SECISBP2: variants seen among roughly 807,000 people sequenced by gnomAD.
SECISBP2 encodes SECIS binding protein 2.
A neutral mutation model predicts 98.2 loss-of-function variants in SECISBP2; 96 were observed. The observed-to-expected ratio is 0.98, with a 90% CI of 0.83 to 1.16. The LOEUF (loss-of-function observed/expected upper bound fraction) is 1.16, where lower values mean the gene tolerates loss of function less well. Ranked by LOEUF, SECISBP2 falls within the 50% of genes most tolerant of loss-of-function variation. The pLI is 0.00. For synonymous variants in SECISBP2, 407 were observed against 370.2 expected (o/e 1.10, Z -1.14); for missense variants, 1,046 against 1,022.9 (o/e 1.02, Z -0.31).
At chr9:89,327,347 A>G (rs1418964810) in intron 4 of SECISBP2, among the ~76,000 whole-genome samples, 1 of 152,194 alleles carries the variant, frequency 6.6e-6, no homozygotes, top group Admixed American at 6.5e-5. Context: ...GCTACATGAA[A>G]TTTATAAAAG....
At chr9:89,341,057 G>T (rs1829580339) in intron 9 of SECISBP2, among the ~76,000 whole-genome samples, 1 of 152,016 alleles carries the variant, frequency 6.6e-6, no homozygotes, top group South Asian at 2.1e-4. Flanking sequence ...ACAAGTGCTA[G>T]TGTCTTGCCT....
chr9:89,360,986 T>G (rs555954191), downstream of SECISBP2: 2 of 152,176 alleles, frequency 1.3e-5, no homozygotes, highest in Non-Finnish European at 2.9e-5. Context: ...AATATAAGCC[T>G]AAAGCCCATA....
At position 89,358,889 on chromosome 9, in the gene SECISBP2, TTTTC is replaced by T. The variant is rs1178555130; in HGVS notation, c.*68_*71del. 3.2e-6 allele frequency: 3 copies of T among 923,422 alleles called. No individual in the cohort carries two copies. Among genetic ancestry groups the T allele is most frequent in the Non-Finnish European group, 5.3e-6 (3 of 571,288 alleles). 57.2% of individuals were successfully genotyped at this position (923,422 alleles called of 1,614,324 possible). The stretch of plus-strand genomic sequence containing the variant: ...GAGGTCTGAAAAAGACTTTGGGGCT[TTTTC>T]TTCTGTTTTTCATGACAATGTAATT... On this transcript the variant is annotated 3_prime_UTR_variant, in exon 17 of 17. Transcript: ENST00000375807.
chr9:89,348,334 T>A, intron 12 of SECISBP2, 120 bp downstream of exon 12: 1 of 1,158,486 alleles, frequency 8.6e-7, no homozygotes, highest in Non-Finnish European at 1.3e-6. Context: ...GTGGTGAAAG[T>A]GGGTCAGCAT....
chr9:89,350,024 C>T (rs958074238), intron 13 of SECISBP2, 95 bp downstream of exon 13: 21 of 1,436,066 alleles, frequency 1.5e-5, no homozygotes, highest in Non-Finnish European at 1.8e-5. Flanking sequence ...TGTTGCTGGG[C>T]CACACTGTGC....
At chr9:89,363,974 C>A, downstream of SECISBP2, 1 of 1,613,956 alleles carries the variant, frequency 6.2e-7, no homozygotes, top group East Asian at 2.2e-5. Context: ...CCGTTTCCAC[C>A]TCTGAGTCCA....
chr9:89,335,486 C>G (rs1479044403), intron 7 of SECISBP2, among the ~76,000 whole-genome samples: 2 of 152,028 alleles, frequency 1.3e-5, no homozygotes, highest in East Asian at 3.9e-4. Flanking sequence ...GTGCCTGCCA[C>G]CATGCCTGGC....
At position 89,338,479 on chromosome 9, in the gene SECISBP2, GACC is replaced by G; in HGVS notation, c.1112_1114del (p.Asp371_Leu372delinsVal). On this transcript the variant is annotated inframe_deletion, in exon 8 of 17. Coordinates refer to ENST00000375807, the MANE Select transcript of SECISBP2 (RefSeq NM_024077.5). Reference sequence around the variant, plus strand: ...CTAGTCTAAAGCATCACAAGGTAGTGACCTTGAACAAAATGAAGCCTCAAGAAA... The same window carrying G: ...CTAGTCTAAAGCATCACAAGGTAGTGTTGAACAAAATGAAGCCTCAAGAAA... 6.2e-7 allele frequency: 1 copy of G among 1,613,380 alleles called. No homozygotes were observed. The highest frequency in any genetic ancestry group is 1.3e-5 in the African/African-American group (1 of 74,970).
chr9:89,358,312 T>G, intron 16 of SECISBP2, 121 bp downstream of exon 16: 1 of 1,018,390 alleles, frequency 9.8e-7, no homozygotes, highest in Non-Finnish European at 1.5e-6. Flanking sequence ...CAGGGCCTGG[T>G]AAGTCCAGCC....
At chr9:89,321,059 C>T (rs930633833) in intron 2 of SECISBP2, among the ~76,000 whole-genome samples, 3 of 152,206 alleles carry the variant, frequency 2.0e-5, no homozygotes, top group Non-Finnish European at 2.9e-5. Context: ...ATTTTTTTGA[C>T]GAAAGTTGAA....
At chr9:89,357,205 C>T in intron 14 of SECISBP2, 1 of 624,580 alleles carries the variant, frequency 1.6e-6, no homozygotes. Context: ...AAGACAATAC[C>T]AGCTGTGTGT....
At position 89,328,795 on chromosome 9, in the gene SECISBP2, A is replaced by G. The variant is rs1469790220; in HGVS notation, c.710A>G (p.Gln237Arg). The G allele has an allele frequency of 6.2e-7, 1 of 1,614,258 alleles. No individual in the cohort carries two copies. The highest frequency in any genetic ancestry group is 1.7e-5 in the Admixed American group (1 of 60,032). Residue 237 changes from glutamine (Q) to arginine (R), a missense_variant, in exon 5 of 17, where the codon CAG (glutamine) becomes CGG (arginine). Transcript: ENST00000375807. Reference protein sequence around the residue: ...QGAENNMSEIQKQPKWGPVHS... With the variant: ...QGAENNMSEIRKQPKWGPVHS... ...GCAGAGAACAATATGTCAGAGATACAGAAGCAACCCAAGTGGGGACCTGTC... is the reference window on the plus strand; with the variant it reads ...GCAGAGAACAATATGTCAGAGATACGGAAGCAACCCAAGTGGGGACCTGTC...
chr9:89,348,945 T>G (rs1282881031), intron 12 of SECISBP2, among the ~76,000 whole-genome samples: 1 of 152,244 alleles, frequency 6.6e-6, no homozygotes, highest in African/African-American at 2.4e-5. Flanking sequence ...TTTGGGTAAT[T>G]AGAAACAGGG....
At chr9:89,341,039 G>T (rs1050282243) in intron 9 of SECISBP2, among the ~76,000 whole-genome samples, 9 of 152,028 alleles carry the variant, frequency 5.9e-5, no homozygotes, top group Admixed American at 2.0e-4. Context: ...TGTAGCCAAA[G>T]ACTTTATACA....
intron 9 of SECISBP2, 86 bp downstream of exon 9, chr9:89,340,039 A>G (rs921617623): frequency 1.3e-5 from 12 of 928,874 alleles, no homozygotes; most frequent in Non-Finnish European, 1.9e-5. Flanking sequence ...CTTTCCAGAC[A>G]TTTCTGTATG....
downstream of SECISBP2, chr9:89,363,425 C>G: frequency 6.2e-7 from 1 of 1,612,230 alleles, no homozygotes; most frequent in Non-Finnish European, 8.5e-7. Context: ...GCTGCGGCCA[C>G]TTACCCACGC....
In SECISBP2 at chr9:89,332,866, AT is replaced by A. The variant is rs758477229; in HGVS notation, c.802-39del. ...TATGTAGTGTTATCTCCTTGTTTTA[AT>A]TTGCATTTCTCTGATGACATCTAAT... On this transcript the variant is annotated intron_variant, in intron 5 of 16. Transcript: ENST00000375807. 6.1e-6 allele frequency: 9 copies of A among 1,484,152 alleles called. No individual in the cohort carries two copies. In the East Asian group the frequency reaches 1.4e-4, roughly 22 times the overall value. 91.9% of individuals were successfully genotyped at this position (1,484,152 alleles called of 1,614,324 possible).
chr9:89,322,322 C>T (rs1029552611), intron 2 of SECISBP2: 2 of 152,260 alleles, frequency 1.3e-5, no homozygotes, highest in Admixed American at 1.3e-4. Flanking sequence ...AAATAAGTTT[C>T]TTCCAAGTAA....
chr9:89,355,590 C>T (rs1311692224), intron 14 of SECISBP2: 1 of 735,616 alleles, frequency 1.4e-6, no homozygotes, highest in Non-Finnish European at 1.7e-6. Context: ...GTTTCTCCAC[C>T]AAAAAAAAAA....
Sources: gnomAD v4.1 joint callset for allele counts (sites outside exome capture counted in the v4.1 genomes callset) on GRCh38, gnomAD v4.1.1 for gene constraint, MANE v1.5 for transcripts, NCBI Gene and HGNC (gene_info 2026-07-23, HGNC 2026-07-21) for gene names.